Variants in HIRA observed in about 807,000 individuals in gnomAD.
HIRA encodes protein HIRA.
A neutral mutation model predicts 126.6 loss-of-function variants in HIRA; 13 were observed. The observed-to-expected ratio is 0.10, with a 90% CI of 0.07 to 0.16. The LOEUF is 0.16. HIRA is among the 10% of genes least tolerant of loss of function. The probability of loss-of-function intolerance (pLI) is 1.00; values close to 1 mark genes in which losing one functional copy is unlikely to be tolerated. For missense variants in HIRA, 834 were observed against 1,314.4 expected, an observed-to-expected ratio of 0.63 and a Z score of 5.65; for synonymous variants, 511 against 520.0, an observed-to-expected ratio of 0.98 and a Z score of 0.24.
At chr22:19,354,842 A>C (rs1236515713) in intron 21 of HIRA, among the ~76,000 whole-genome samples, 1 of 151,946 alleles carries the variant, frequency 6.6e-6, no homozygotes, top group African/African-American at 2.4e-5. Flanking sequence ...ATTACAGCTC[A>C]CTGCAGCCTC....
At chr22:19,410,957 T>A (rs2089347257) in intron 1 of HIRA, among the ~76,000 whole-genome samples, 179 bp from the exon 2 acceptor site, 1 of 152,236 alleles carries the variant, frequency 6.6e-6, no homozygotes, top group African/African-American at 2.4e-5. Flanking sequence ...GCCCATAGGA[T>A]GCCTGGGCAT....
intron 18 of HIRA, among the ~76,000 whole-genome samples, chr22:19,357,309 C>T (rs1556012934): frequency 6.6e-6 from 1 of 152,162 alleles, no homozygotes. Context: ...CTGATGCTGA[C>T]CAAGGGGTGT....
At position 19,351,664 on chromosome 22, in the gene HIRA, CT is replaced by C. The variant is rs2088759188; in HGVS notation, c.2849-219del. Among the ~76,000 whole-genome samples, 1 of 152,212 alleles carries C rather than the reference CT, an allele frequency of 6.6e-6. No individual in the cohort carries two copies. The highest frequency in any genetic ancestry group is 1.5e-5 in the Non-Finnish European group (1 of 68,034). ...TCACAGATTTTCACTCACTTGCTCA[CT>C]CCCCTGACATCTGTAGTGCCTCCTC... is the stretch of plus-strand genomic sequence containing the variant. On this transcript the variant is annotated intron_variant, in intron 23 of 24. Coordinates refer to ENST00000263208, the MANE Select transcript of HIRA (RefSeq NM_003325.4). The surrounding 1 kb of genome is among the most constrained non-coding windows in gnomAD (Gnocchi z 4.8).
intron 15 of HIRA, among the ~76,000 whole-genome samples, chr22:19,367,039 A>G (rs1481950782): frequency 6.6e-6 from 1 of 152,216 alleles, no homozygotes; most frequent in Non-Finnish European, 1.5e-5. Context: ...TTGGGATTAC[A>G]GGTGTGAGCC....
intron 4 of HIRA, among the ~76,000 whole-genome samples, chr22:19,406,131 G>A (rs2089306202): frequency 6.6e-6 from 1 of 152,110 alleles, no homozygotes; most frequent in Non-Finnish European, 1.5e-5. Context: ...CAGGCCACAG[G>A]ACATCACATA....
intron 24 of HIRA, among the ~76,000 whole-genome samples, chr22:19,335,708 A>C (rs902172597): frequency 1.3e-5 from 2 of 151,870 alleles, no homozygotes; most frequent in Admixed American, 6.6e-5. Flanking sequence ...TATTTTTCCC[A>C]CTGTATCTGT....
intron 1 of HIRA, among the ~76,000 whole-genome samples, chr22:19,411,832 T>TG (rs1255197990): frequency 6.6e-6 from 1 of 152,086 alleles, no homozygotes; most frequent in East Asian, 1.9e-4. Context: ...CAGGAGTGTG[T>TG]GGGCAGGCAG....
intron 24 of HIRA, among the ~76,000 whole-genome samples, chr22:19,336,057 T>C (rs1227271762): frequency 2.6e-5 from 4 of 152,224 alleles, no homozygotes; most frequent in African/African-American, 9.6e-5. Context: ...TTAGATACTT[T>C]ATAATTCTCA....
intron 12 of HIRA, 147 bp from the exon 13 acceptor site, chr22:19,383,852 A>C (rs2146216399): frequency 7.9e-6 from 5 of 634,780 alleles, no homozygotes; most frequent in East Asian, 2.8e-5. Flanking sequence ...ATGCAATATC[A>C]TATTGTGAAC....
At chr22:19,339,586 G>A (rs1343002989) in intron 24 of HIRA, among the ~76,000 whole-genome samples, 8 of 150,158 alleles carry the variant, frequency 5.3e-5, no homozygotes, top group Non-Finnish European at 7.4e-5. Flanking sequence ...GTAGTGAGCC[G>A]AGATGCACCA....
At chr22:19,379,034 C>CT (rs530908549) in intron 13 of HIRA, among the ~76,000 whole-genome samples, 23,027 of 145,194 alleles carry the variant, frequency 0.16, 3,757 homozygotes, top group African/African-American at 0.42. Context: ...TTTTCTTTTT[C>CT]TTTTTTTTTT....
chr22:19,420,992 T>C (rs1214435070), intron 1 of HIRA, among the ~76,000 whole-genome samples: 2 of 152,164 alleles, frequency 1.3e-5, no homozygotes, highest in African/African-American at 4.8e-5. Context: ...CCTACAATAC[T>C]ATTTAAGTGA....
At chr22:19,408,443 T>C (rs779194800) in intron 3 of HIRA, 40 bp downstream of exon 3, 1 of 1,320,292 alleles carries the variant, frequency 7.6e-7, no homozygotes, top group Non-Finnish European at 1.1e-6. Flanking sequence ...TTGGGCACTC[T>C]GCCAACACGC....
intron 24 of HIRA, among the ~76,000 whole-genome samples, chr22:19,345,394 G>T (rs1432486072): frequency 6.6e-6 from 1 of 152,180 alleles, no homozygotes; most frequent in African/African-American, 2.4e-5. Context: ...CTCAGTAAAG[G>T]ATGGTTTTTC....
chr22:19,362,444 T>C (rs1212857316), intron 15 of HIRA, among the ~76,000 whole-genome samples: 1 of 152,096 alleles, frequency 6.6e-6, no homozygotes, highest in African/African-American at 2.4e-5. Context: ...TATAATATTA[T>C]TTGAAAGTAG....
At position 19,415,756 on chromosome 22, in the gene HIRA, T is replaced by C. The variant is rs540658894; in HGVS notation, c.38-4978A>G. Among the ~76,000 whole-genome samples the C allele has an allele frequency of 2.0e-5, 3 of 152,122 alleles. No individual in the cohort carries two copies. In the East Asian group the frequency reaches 5.8e-4, roughly 29 times the overall value. On this transcript the variant is annotated intron_variant, in intron 1 of 24. Transcript: ENST00000263208. ...GTGAGCCAATTTTGTGCCATTGCAC[T>C]CCAGCCTGGGCAACAAGAGTGAAAC...
At chr22:19,359,946 T>C (rs1401569466) in intron 17 of HIRA, among the ~76,000 whole-genome samples, 1 of 152,072 alleles carries the variant, frequency 6.6e-6, no homozygotes, top group Non-Finnish European at 1.5e-5. Context: ...AGGGAATGTT[T>C]AGAAAACCCC....
chr22:19,409,525 C>T (rs1213138713), intron 2 of HIRA, among the ~76,000 whole-genome samples: 4 of 152,150 alleles, frequency 2.6e-5, no homozygotes, highest in Non-Finnish European at 5.9e-5. Context: ...TCAGATGATT[C>T]GCCTGCCTTG....
intron 17 of HIRA, 96 bp from the exon 18 acceptor site, chr22:19,359,580 A>G (rs2088845559): frequency 3.0e-6 from 4 of 1,314,560 alleles, no homozygotes; most frequent in Non-Finnish European, 4.0e-6. Flanking sequence ...AGGCAGCAGC[A>G]GGATACAGAG....
Sources: gnomAD v4.1 joint callset for allele counts (sites outside exome capture counted in the v4.1 genomes callset) on GRCh38, gnomAD v4.1.1 for gene constraint, Gnocchi (gnomAD v3.1) non-coding constraint, MANE v1.5 for transcripts, NCBI Gene and HGNC (gene_info 2026-07-23, HGNC 2026-07-21) for gene names.